The following ASB3 variants were observed in gnomAD, a reference collection of about 807,000 sequenced individuals.
The protein encoded by ASB3 is ankyrin repeat and SOCS box protein 3.
ASB3 carries 41 observed loss-of-function variants against 54.5 expected under a neutral mutation model. That is an observed-to-expected ratio of 0.75 (90% confidence interval 0.59 to 0.98). ASB3 has a LOEUF of 0.98. ASB3 is among the 50% of genes least tolerant of loss of function. ASB3 has a pLI of 0.00. For missense variants in ASB3, 733 were observed against 620.0 expected (o/e 1.18, Z -1.94); for synonymous variants, 266 against 221.2 (o/e 1.20, Z -1.80).
intron 1 of ASB3, among the ~76,000 whole-genome samples, chr2:53,771,166 A>G (rs1211122231): frequency 6.6e-6 from 1 of 152,210 alleles, no homozygotes; most frequent in Non-Finnish European, 1.5e-5. Flanking sequence ...CTAAATTTGA[A>G]AGTCACTTCC....
chr2:53,765,315 C>CT, intron 2 of ASB3, 62 bp downstream of exon 2: 1 of 1,602,504 alleles, frequency 6.2e-7, no homozygotes, highest in Non-Finnish European at 8.5e-7. Context: ...ATGTATTATA[C>CT]TTTTTTATGT....
rs902086420 is a variant in ASB3, at chr2:53,716,774, T to C, written c.605-31A>G. 14 of 1,589,988 alleles carry C rather than the reference T, an allele frequency of 8.8e-6. No homozygotes were observed. The Admixed American group carries it at 1.9e-4, about 22-fold the overall frequency. On this transcript the variant is annotated intron_variant, in intron 5 of 9. Transcript: ENST00000263634. Reference sequence around the variant, plus strand: ...GGTACAAAATAAAACATTTAACAGATAACCCTAATACTTAAAAAAATCAAC... The same window carrying C: ...GGTACAAAATAAAACATTTAACAGACAACCCTAATACTTAAAAAAATCAAC...
At chr2:53,730,297 T>G (rs1394707569) in intron 3 of ASB3, among the ~76,000 whole-genome samples, 1 of 152,176 alleles carries the variant, frequency 6.6e-6, no homozygotes, top group Admixed American at 6.5e-5. Context: ...ATTAGCAAAT[T>G]AGGTATACTG....
chr2:53,774,294 A>G, intron 1 of ASB3: 3 of 1,614,126 alleles, frequency 1.9e-6, no homozygotes, highest in Non-Finnish European at 2.5e-6. Flanking sequence ...GTGTATTGCT[A>G]TATATTGGAA....
intron 9 of ASB3, among the ~76,000 whole-genome samples, chr2:53,683,653 T>A (rs1668494138): frequency 6.6e-6 from 1 of 152,146 alleles, no homozygotes; most frequent in Admixed American, 6.5e-5. Context: ...TCAATCTTAT[T>A]ACTTGTTATT....
chr2:53,766,669 G>C (rs768944113), intron 1 of ASB3, among the ~76,000 whole-genome samples: 1 of 151,914 alleles, frequency 6.6e-6, no homozygotes, highest in East Asian at 1.9e-4. Context: ...GAAAGGTATT[G>C]GTCATTACAC....
At chr2:53,758,918 C>T (rs369027481) in intron 2 of ASB3, among the ~76,000 whole-genome samples, 1 of 152,144 alleles carries the variant, frequency 6.6e-6, no homozygotes, top group African/African-American at 2.4e-5. Flanking sequence ...CCCTGTCAGA[C>T]TTGAAGCAAA....
intron 1 of ASB3, among the ~76,000 whole-genome samples, chr2:53,771,102 T>C (rs1242462991): frequency 6.6e-6 from 1 of 152,202 alleles, no homozygotes; most frequent in African/African-American, 2.4e-5. Context: ...TCAAAAACTC[T>C]GGAGGTGTGG....
intron 1 of ASB3, among the ~76,000 whole-genome samples, chr2:53,772,926 C>T (rs975059437): frequency 3.3e-5 from 5 of 151,966 alleles, no homozygotes; most frequent in Admixed American, 2.6e-4. Flanking sequence ...GTTTGGAGCA[C>T]CAGAAAGTTT....
chr2:53,736,019 G>T (rs1351774214), intron 3 of ASB3, among the ~76,000 whole-genome samples: 2 of 146,288 alleles, frequency 1.4e-5, no homozygotes, highest in Non-Finnish European at 3.0e-5. Flanking sequence ...AAAAAAGAAA[G>T]GAAAAATCTA....
At chr2:53,732,188 G>T (rs1259835398) in intron 3 of ASB3, among the ~76,000 whole-genome samples, 1 of 148,538 alleles carries the variant, frequency 6.7e-6, no homozygotes. Flanking sequence ...CCAACTCCTG[G>T]CCTCAGGTGA....
rs1323558013 is a variant in ASB3, at chr2:53,728,819, A to C, written c.497T>G (p.Leu166Arg). 6.2e-7 allele frequency: 1 copy of C among 1,611,272 alleles called. No homozygotes were observed. The highest frequency in any genetic ancestry group is 8.5e-7 in the Non-Finnish European group (1 of 1,178,604). ...QENAEIIKLL[L>R]RKGANKECQD... ...GCATTCCTTGTTTGCTCCTTTTCTA[A>C]GAAGCAATTTTATGATCTCAGCATT... is the stretch of plus-strand genomic sequence containing the variant. The change falls in exon 5 of 10, where the codon CTT becomes CGT. Residue 166 changes from leucine to arginine, a missense_variant. Physicochemically the swap from Leu to Arg is moderately radical, Grantham distance 102. Transcript: ENST00000263634.
chr2:53,719,213 A>C lies in ASB3; in HGVS notation c.605-2470T>G, dbSNP rs561892649. 2.6e-5 allele frequency among the ~76,000 whole-genome samples: 4 copies of C among 152,162 alleles called. No homozygotes were observed. The East Asian group carries it at 5.8e-4, about 22-fold the overall frequency. On this transcript the variant is annotated intron_variant, in intron 5 of 9. Transcript: ENST00000263634. Reference sequence around the variant, plus strand: ...GCTGGGATTACAGGCGTGAGCCACCACGCCCAACCAGGGGTCAATATTCTT... The same window carrying C: ...GCTGGGATTACAGGCGTGAGCCACCCCGCCCAACCAGGGGTCAATATTCTT...
chr2:53,680,158 G>C (rs1668289910), intron 9 of ASB3, among the ~76,000 whole-genome samples: 2 of 152,128 alleles, frequency 1.3e-5, no homozygotes, highest in Non-Finnish European at 2.9e-5. Flanking sequence ...TGGGCATTTA[G>C]GTTGATTCCA....
At chr2:53,780,805 C>G (rs891658251) in intron 1 of ASB3, among the ~76,000 whole-genome samples, 1 of 152,096 alleles carries the variant, frequency 6.6e-6, no homozygotes, top group Admixed American at 6.5e-5. Context: ...AAATAAAATA[C>G]AACCAGAATA....
intron 8 of ASB3, chr2:53,694,693 C>T (rs1379191931): frequency 6.6e-6 from 1 of 152,128 alleles, no homozygotes; most frequent in Non-Finnish European, 1.5e-5. Context: ...GGAAAGAGCA[C>T]TGGCTTAAGA....
At chr2:53,703,147 AAACTTCTC>A (rs1297650323) in intron 7 of ASB3, among the ~76,000 whole-genome samples, 7 of 152,324 alleles carry the variant, frequency 4.6e-5, no homozygotes, top group Admixed American at 6.5e-5. Flanking sequence ...AACAGTCCTA[AAACTTCTC>A]AACTTCCCTC....
At chr2:53,706,258 C>A (rs1669763052) in intron 7 of ASB3, among the ~76,000 whole-genome samples, 1 of 152,162 alleles carries the variant, frequency 6.6e-6, no homozygotes, top group Non-Finnish European at 1.5e-5. Context: ...TTGAGGAAGA[C>A]TAACATATAA....
intron 7 of ASB3, among the ~76,000 whole-genome samples, chr2:53,701,703 T>C (rs963895676): frequency 6.6e-6 from 1 of 152,204 alleles, no homozygotes; most frequent in Non-Finnish European, 1.5e-5. Flanking sequence ...AATGTGTTAG[T>C]TACATTTCCA....
Sources: gnomAD v4.1 joint callset for allele counts (sites outside exome capture counted in the v4.1 genomes callset) on GRCh38, gnomAD v4.1.1 for gene constraint, MANE v1.5 for transcripts, NCBI Gene and HGNC (gene_info 2026-07-23, HGNC 2026-07-21) for gene names.